SOS2: variants seen among roughly 807,000 people sequenced by gnomAD.
SOS2 encodes son of sevenless homolog 2.
SOS2 carries 65 observed loss-of-function variants against 148.2 expected under a neutral mutation model. The ratio of observed to expected loss-of-function variants is 0.44; its 90% CI spans 0.36 to 0.54. The LOEUF (loss-of-function observed/expected upper bound fraction) is 0.54. Ranked by LOEUF, SOS2 falls within the 20% of genes least tolerant of loss-of-function variation. SOS2 has a pLI of 0.00. For synonymous variants in SOS2, 539 were observed against 537.1 expected (o/e 1.00, Z -0.05); for missense variants, 1,341 against 1,590.2 (o/e 0.84, Z 2.67).
chr14:50,213,724 A>G (rs1886958548), intron 1 of SOS2, among the ~76,000 whole-genome samples: 1 of 151,996 alleles, frequency 6.6e-6, no homozygotes, highest in Non-Finnish European at 1.5e-5. Flanking sequence ...AATAATGTAA[A>G]CTTTGAATAT....
chr14:50,184,155 T>G (rs1885835646), intron 5 of SOS2, among the ~76,000 whole-genome samples: 1 of 152,234 alleles, frequency 6.6e-6, no homozygotes, highest in Non-Finnish European at 1.5e-5. Context: ...TATCACTGAC[T>G]AAAACATCAT....
chr14:50,154,859 C>T (rs188107562), intron 12 of SOS2, among the ~76,000 whole-genome samples: 2 of 152,148 alleles, frequency 1.3e-5, no homozygotes, highest in East Asian at 3.9e-4. Flanking sequence ...TCTTGAAAGG[C>T]GTTTGGATTA....
At chr14:50,175,854 T>C (rs565923352) in intron 7 of SOS2, among the ~76,000 whole-genome samples, 62 of 152,346 alleles carry the variant, frequency 4.1e-4, no homozygotes, top group African/African-American at 1.4e-3. Context: ...AATATTACCA[T>C]AATTTTCACA....
At chr14:50,170,944 C>T (rs1885341358) in intron 8 of SOS2, among the ~76,000 whole-genome samples, 1 of 151,542 alleles carries the variant, frequency 6.6e-6, no homozygotes, top group Non-Finnish European at 1.5e-5. Flanking sequence ...GAAACCCTGT[C>T]TCTACTAAAA....
intron 1 of SOS2, among the ~76,000 whole-genome samples, chr14:50,221,346 C>G (rs1168594340): frequency 6.6e-6 from 1 of 152,166 alleles, no homozygotes; most frequent in Non-Finnish European, 1.5e-5. Flanking sequence ...TGTCAGGACA[C>G]TTTCTAAACA....
At chr14:50,219,159 T>C (rs1486776502) in intron 1 of SOS2, among the ~76,000 whole-genome samples, 2 of 151,882 alleles carry the variant, frequency 1.3e-5, no homozygotes, top group Non-Finnish European at 2.9e-5. Flanking sequence ...ATCCAACCAC[T>C]CTTTGGTAAT....
At chr14:50,216,608 A>G (rs1173486656) in intron 1 of SOS2, among the ~76,000 whole-genome samples, 1 of 151,828 alleles carries the variant, frequency 6.6e-6, no homozygotes, top group Non-Finnish European at 1.5e-5. Context: ...AAAGTACAAA[A>G]ATTAGCTGGG....
At chr14:50,215,224 C>A (rs1887011282) in intron 1 of SOS2, 1 of 376,246 alleles carries the variant, frequency 2.7e-6, no homozygotes, top group Non-Finnish European at 4.7e-6. Flanking sequence ...TAATGTCTAA[C>A]TGGGATGGAT....
intron 12 of SOS2, 82 bp from the exon 13 acceptor site, chr14:50,153,255 G>C: frequency 1.3e-6 from 1 of 741,372 alleles, no homozygotes; most frequent in Non-Finnish European, 2.4e-6. Context: ...CACGATAATA[G>C]CTTTACATAC....
intron 14 of SOS2, 86 bp from the exon 15 acceptor site, chr14:50,145,682 A>G: frequency 2.2e-6 from 2 of 890,984 alleles, no homozygotes; most frequent in Admixed American, 2.6e-5. Context: ...GAAAAAGACA[A>G]TTAACCCAAA....
chr14:50,141,730 C>G (rs1884295622), intron 16 of SOS2, among the ~76,000 whole-genome samples: 1 of 152,102 alleles, frequency 6.6e-6, no homozygotes, highest in Non-Finnish European at 1.5e-5. Context: ...CAACTCCTAT[C>G]AAAATGCCAA....
chr14:50,165,842 A>T (rs3783422), intron 8 of SOS2, among the ~76,000 whole-genome samples: 1 of 152,110 alleles, frequency 6.6e-6, no homozygotes, highest in Non-Finnish European at 1.5e-5. Context: ...ACAACTCTGT[A>T]ACACGAGGTA....
At chr14:50,141,876 T>C (rs1861434561) in intron 16 of SOS2, among the ~76,000 whole-genome samples, 1 of 152,160 alleles carries the variant, frequency 6.6e-6, no homozygotes, top group Admixed American at 6.5e-5. Flanking sequence ...ACTATAAAGT[T>C]ATGATAGTTT....
chr14:50,192,143 C>CAAAA (rs201836422), intron 4 of SOS2, among the ~76,000 whole-genome samples: 36 of 118,924 alleles, frequency 3.0e-4, no homozygotes, highest in South Asian at 5.9e-4. Flanking sequence ...GTCCTTGTCA[C>CAAAA]AAAAAAAAAA....
chr14:50,138,378 C>T (rs1381053390), intron 18 of SOS2, among the ~76,000 whole-genome samples: 1 of 151,974 alleles, frequency 6.6e-6, no homozygotes, highest in African/African-American at 2.4e-5. Flanking sequence ...CCAGGCTGGT[C>T]TCCAACTCCT....
chr14:50,188,585 T>C lies in SOS2; in HGVS notation c.626A>G (p.Glu209Gly). The C allele has an allele frequency of 6.2e-7, 1 of 1,608,064 alleles. No individual in the cohort carries two copies. The highest frequency in any genetic ancestry group is 8.5e-7 in the Non-Finnish European group (1 of 1,177,798). ...YYDLVRTEIA[E>G]ERQYLRELNM... is the part of the protein sequence containing the mutation. The stretch of plus-strand genomic sequence containing the variant: ...TAATTCCCGTAGATACTGTCTTTCT[T>C]CTGCGATTTCAGTTCTGACAAGATC... Residue 209 changes from glutamate to glycine, a missense_variant, in exon 5 of 23, where the codon GAA (glutamate) becomes GGA (glycine). Around this residue, in one of 4 missense-constraint regions of SOS2, gnomAD observed 574 missense variants for 711.1 expected, o/e 0.81. Coordinates refer to ENST00000216373, the MANE Select transcript of SOS2 (RefSeq NM_006939.4).
chr14:50,180,558 C>G lies in SOS2; in HGVS notation c.969+14G>C. The G allele has an allele frequency of 1.2e-6, 1 of 837,656 alleles. No homozygotes were observed. Among genetic ancestry groups the G allele is most frequent in the Non-Finnish European group, 1.8e-6 (1 of 555,602 alleles). The allele number at this position is 837,656 out of a possible 1,614,324, so 51.9% of individuals were successfully genotyped here. ...TAAAAAAAAAAAAAAAAAAAACCTT[C>G]AATTTAAGTTTACCTGAAAGTGTAG... On this transcript the variant is annotated intron_variant, in intron 7 of 22. Coordinates refer to ENST00000216373, the MANE Select transcript of SOS2 (RefSeq NM_006939.4).
At chr14:50,160,379 CTTTTTTTTTTTTTTTTTTTTTT>C (rs200021758) in intron 9 of SOS2, among the ~76,000 whole-genome samples, 7 of 78,848 alleles carry the variant, frequency 8.9e-5, no homozygotes, top group East Asian at 2.8e-4. Flanking sequence ...CAATGCTAAT[CTTTTTTTTTTTTTTTTTTTTTT>C]TTTTTTTTTT....
intron 8 of SOS2, among the ~76,000 whole-genome samples, chr14:50,169,392 T>A (rs1015060338): frequency 6.6e-6 from 1 of 151,340 alleles, no homozygotes; most frequent in Admixed American, 6.6e-5. Flanking sequence ...CCCAGCACTT[T>A]GGGAGGCCGA....
Sources: gnomAD v4.1 joint callset for allele counts (sites outside exome capture counted in the v4.1 genomes callset) on GRCh38, gnomAD v4.1.1 for gene constraint, gnomAD v4.1.1 regional missense constraint, MANE v1.5 for transcripts, NCBI Gene and HGNC (gene_info 2026-07-23, HGNC 2026-07-21) for gene names.